Variants in EEPD1 observed in about 807,000 individuals in gnomAD.
The protein encoded by EEPD1 is endonuclease/exonuclease/phosphatase family domain containing 1, also known as endonuclease/exonuclease/phosphatase family domain-containing protein 1.
In EEPD1, 17 loss-of-function variants were observed where a neutral mutation model predicts 46.3. The ratio of observed to expected loss-of-function variants is 0.37; its 90% CI spans 0.25 to 0.55. The LOEUF (loss-of-function observed/expected upper bound fraction) is 0.55, where lower values mean the gene tolerates loss of function less well. Ranked by LOEUF, EEPD1 falls within the 20% of genes least tolerant of loss-of-function variation. The probability of loss-of-function intolerance (pLI) is 0.83; values close to 1 mark genes in which losing one functional copy is unlikely to be tolerated. For missense variants in EEPD1, 673 were observed against 745.6 expected (o/e 0.90, Z 1.13); for synonymous variants, 313 against 315.6 (o/e 0.99, Z 0.09).
chr7:36,227,215 A>G (rs987576797), intron 2 of EEPD1, among the ~76,000 whole-genome samples: 1 of 152,232 alleles, frequency 6.6e-6, no homozygotes, highest in Non-Finnish European at 1.5e-5. Flanking sequence ...TGATTCAAGC[A>G]GTTGAAAACC....
chr7:36,154,130 T>C lies in EEPD1; in HGVS notation c.-192-3T>C, dbSNP rs1562666039. 4 of 644,858 alleles carry C rather than the reference T, an allele frequency of 6.2e-6. No individual in the cohort carries two copies. Among genetic ancestry groups the C allele is most frequent in the African/African-American group, 3.7e-5 (2 of 54,780 alleles). 39.9% of individuals were successfully genotyped at this position (644,858 alleles called of 1,614,324 possible). ...TTTCTATGTTTATTGATTTATTTTC[T>C]AGGCGGCCAAGTGAAAGGTAATTTT... On this transcript the variant is annotated splice_region_variant and splice_polypyrimidine_tract_variant and intron_variant, in intron 1 of 7. Transcript: ENST00000242108. The surrounding 1 kb of genome is among the most constrained non-coding windows in gnomAD (Gnocchi z 4.2).
At chr7:36,269,131 A>G (rs1327307644) in intron 3 of EEPD1, among the ~76,000 whole-genome samples, 1 of 152,170 alleles carries the variant, frequency 6.6e-6, no homozygotes, top group Non-Finnish European at 1.5e-5. Flanking sequence ...TGGCAATCCC[A>G]TGGCCATTTT....
At chr7:36,157,773 G>A (rs1784847749) in intron 2 of EEPD1, among the ~76,000 whole-genome samples, 1 of 152,114 alleles carries the variant, frequency 6.6e-6, no homozygotes, top group Non-Finnish European at 1.5e-5. Flanking sequence ...TTCAGAGTAG[G>A]GTGAGTGCTT....
chr7:36,280,663 A>G (rs1787247379), intron 3 of EEPD1, among the ~76,000 whole-genome samples: 1 of 152,176 alleles, frequency 6.6e-6, no homozygotes, highest in African/African-American at 2.4e-5. Flanking sequence ...GTTCAAGTTG[A>G]AGCTGGAGGT....
rs1784782677 is a variant in EEPD1, at chr7:36,154,510, C to G, written c.186C>G (p.Arg62=). 2 of 1,614,224 alleles carry G rather than the reference C, an allele frequency of 1.2e-6. No homozygotes were observed. Among genetic ancestry groups the G allele is most frequent in the Non-Finnish European group, 1.7e-6 (2 of 1,180,038 alleles). The change falls in exon 2 of 8, where the codon CGC becomes CGG. Residue 62 remains arginine, a synonymous_variant. Coordinates refer to ENST00000242108, the MANE Select transcript of EEPD1 (RefSeq NM_030636.3). This position sits in a 1 kb window ranked among gnomAD's most constrained non-coding sequence, Gnocchi z 4.2. ...TLPGVTRAVA[R]SIVEYREYIG... is the part of the protein sequence containing the mutation. ...CTGGGGTGACGCGTGCCGTGGCACG[C>G]AGCATCGTGGAGTACCGAGAGTATA...
At chr7:36,284,573 G>C (rs1648794859) in intron 4 of EEPD1, 113 bp from the exon 5 acceptor site, 1 of 1,356,660 alleles carries the variant, frequency 7.4e-7, no homozygotes, top group African/African-American at 1.5e-5. Context: ...TTTAGAAACA[G>C]CTTGAGCCAG....
At chr7:36,178,233 G>A (rs796551495) in intron 2 of EEPD1, among the ~76,000 whole-genome samples, 13 of 150,956 alleles carry the variant, frequency 8.6e-5, no homozygotes, top group East Asian at 7.7e-4. Context: ...CCATCCCCGC[G>A]GTTACTGTTC....
intron 2 of EEPD1, among the ~76,000 whole-genome samples, chr7:36,171,188 G>C (rs968166825): frequency 1.3e-5 from 2 of 152,166 alleles, no homozygotes; most frequent in African/African-American, 4.8e-5. Flanking sequence ...CTCCCAAAGT[G>C]CTGAGATTAC....
chr7:36,207,888 GTTTTTTTTTTTT>G (rs35062290), intron 2 of EEPD1, among the ~76,000 whole-genome samples: 1 of 122,184 alleles, frequency 8.2e-6, no homozygotes, highest in Non-Finnish European at 1.7e-5. Context: ...CAGTGCAGGA[GTTTTTTTTTTTT>G]TTTTTTTTTT....
intron 3 of EEPD1, among the ~76,000 whole-genome samples, chr7:36,247,857 G>C (rs567467018): frequency 6.6e-6 from 1 of 152,194 alleles, no homozygotes; most frequent in Non-Finnish European, 1.5e-5. Flanking sequence ...CCCAGGTGAT[G>C]GGGAACCAAT....
chr7:36,239,078 C>T (rs768241429), intron 3 of EEPD1, 42 bp downstream of exon 3: 14 of 1,591,190 alleles, frequency 8.8e-6, no homozygotes, highest in East Asian at 2.3e-5. Context: ...AAACCAAGAA[C>T]GGAGGGCCAC....
rs1784805171 is a variant in EEPD1 at position 36,155,044 on chromosome 7, G to A, written c.720G>A (p.Gln240=). 1.9e-6 allele frequency: 3 copies of A among 1,603,530 alleles called. No homozygotes were observed. The highest frequency in any genetic ancestry group is 2.6e-6 in the Non-Finnish European group (3 of 1,173,432). Residue 240 remains glutamine, a synonymous_variant, in exon 2 of 8, where the codon CAG becomes CAA. Coordinates refer to ENST00000242108, the MANE Select transcript of EEPD1 (RefSeq NM_030636.3). ...DLDLPPGGPT[Q]IISTRPSVEA... Reference sequence around the variant, plus strand: ...ACCTGCCGCCAGGGGGGCCCACCCAGATTATCTCCACTCGGCCGTCCGTGG... The same window carrying A: ...ACCTGCCGCCAGGGGGGCCCACCCAAATTATCTCCACTCGGCCGTCCGTGG...
At chr7:36,297,549 C>A (rs768673632) in intron 7 of EEPD1, among the ~76,000 whole-genome samples, 15 of 152,178 alleles carry the variant, frequency 9.9e-5, no homozygotes, top group Non-Finnish European at 1.6e-4. Flanking sequence ...GTGTTCCAGG[C>A]AAACCTGGTT....
At chr7:36,233,440 C>T (rs571756892) in intron 2 of EEPD1, among the ~76,000 whole-genome samples, 23 of 152,344 alleles carry the variant, frequency 1.5e-4, no homozygotes, top group African/African-American at 5.5e-4. Flanking sequence ...TGAAGGCCTC[C>T]AGGCCTGGTC....
intron 2 of EEPD1, among the ~76,000 whole-genome samples, chr7:36,206,548 C>T (rs1011021583): frequency 1.3e-5 from 2 of 152,102 alleles, no homozygotes; most frequent in Non-Finnish European, 2.9e-5. Flanking sequence ...ACACTCAGCA[C>T]CTTACAGAGT....
At chr7:36,184,961 C>T (rs559160596) in intron 2 of EEPD1, among the ~76,000 whole-genome samples, 2 of 152,112 alleles carry the variant, frequency 1.3e-5, no homozygotes, top group African/African-American at 4.8e-5. Context: ...GAACTCCTGA[C>T]CTCAAGCGAT....
intron 2 of EEPD1, among the ~76,000 whole-genome samples, chr7:36,162,508 G>A (rs1393873739): frequency 6.6e-6 from 1 of 152,104 alleles, no homozygotes; most frequent in Non-Finnish European, 1.5e-5. Context: ...CCCAAGGTTG[G>A]TGGTGCACAC....
chr7:36,298,181 T>A (rs1246266637), intron 7 of EEPD1, among the ~76,000 whole-genome samples: 1 of 152,224 alleles, frequency 6.6e-6, no homozygotes, highest in Non-Finnish European at 1.5e-5. Context: ...AGAAATGCGC[T>A]ATGGGCCAGG....
At chr7:36,158,491 G>A (rs948116787) in intron 2 of EEPD1, among the ~76,000 whole-genome samples, 1 of 152,204 alleles carries the variant, frequency 6.6e-6, no homozygotes, top group African/African-American at 2.4e-5. Context: ...TGGGATGGGA[G>A]TTAGAGTCTT....
Sources: gnomAD v4.1 joint callset for allele counts (sites outside exome capture counted in the v4.1 genomes callset) on GRCh38, gnomAD v4.1.1 for gene constraint, Gnocchi (gnomAD v3.1) non-coding constraint, MANE v1.5 for transcripts, NCBI Gene and HGNC (gene_info 2026-07-23, HGNC 2026-07-21) for gene names.